The following KCNH1 variants were observed in gnomAD, a reference collection of about 807,000 sequenced individuals.
KCNH1 encodes the protein potassium voltage-gated channel subfamily H member 1.
Under a neutral mutation model 69.2 loss-of-function variants are expected in KCNH1, and 27 were observed. That is an observed-to-expected ratio of 0.39 (90% CI 0.29 to 0.54). KCNH1 has a LOEUF of 0.54. KCNH1 is among the 20% of genes least tolerant of loss of function. KCNH1 has a pLI of 0.68. For missense variants in KCNH1, 798 were observed against 1,261.6 expected (o/e 0.63, Z 5.57); for synonymous variants, 456 against 487.7 (o/e 0.93, Z 0.86).
At chr1:211,127,496 C>A (rs796681545) in intron 1 of KCNH1, among the ~76,000 whole-genome samples, 1 of 151,566 alleles carries the variant, frequency 6.6e-6, no homozygotes, top group Non-Finnish European at 1.5e-5. Flanking sequence ...CTGTACAAGT[C>A]TTTCGCATCA....
intron 6 of KCNH1, among the ~76,000 whole-genome samples, chr1:210,987,656 A>T (rs1347645975): frequency 8.5e-5 from 13 of 152,142 alleles, no homozygotes; most frequent in Admixed American, 8.5e-4. Context: ...TTTGTCTCAG[A>T]GGAGTACCCG....
At position 210,804,042 on chromosome 1, in the gene KCNH1, T is replaced by C; in HGVS notation, c.1587A>G (p.Pro529=). The change falls in exon 8 of 11, where the codon CCA becomes CCG. Residue 529 remains proline, a synonymous_variant. Coordinates refer to ENST00000271751, the MANE Select transcript of KCNH1 (RefSeq NM_172362.3). ...CCATTACTCGCTCACTCAATCCTTT[T>C]GGCACCTGGTAGAGCTTCAGGAAGT... ...VRDFLKLYQV[P]KGLSERVMDY... The C allele has an allele frequency of 1.2e-6, 2 of 1,614,232 alleles. No homozygotes were observed. The highest frequency in any genetic ancestry group is 1.7e-6 in the Non-Finnish European group (2 of 1,180,026).
intron 9 of KCNH1, among the ~76,000 whole-genome samples, chr1:210,793,064 G>A (rs1440352966): frequency 6.6e-6 from 1 of 152,148 alleles, no homozygotes; most frequent in African/African-American, 2.4e-5. Context: ...TGAATAAAAT[G>A]CACATGTGAA....
At chr1:210,761,892 C>G (rs946197479) in intron 10 of KCNH1, among the ~76,000 whole-genome samples, 15 of 152,102 alleles carry the variant, frequency 9.9e-5, no homozygotes, top group African/African-American at 3.6e-4. Flanking sequence ...CTCGACCAAT[C>G]GGACTTAATA....
At chr1:211,090,509 A>G (rs1691033714) in intron 4 of KCNH1, 53 bp downstream of exon 4, 1 of 1,515,124 alleles carries the variant, frequency 6.6e-7, no homozygotes, top group East Asian at 2.3e-5. Context: ...AACAAGAGCC[A>G]CAATAAAGAC....
chr1:210,820,553 G>A (rs2102425552), intron 7 of KCNH1, among the ~76,000 whole-genome samples: 1 of 152,244 alleles, frequency 6.6e-6, no homozygotes, highest in East Asian at 1.9e-4. Context: ...AGAATTGCTT[G>A]AACCCAGGAG....
In KCNH1 at chr1:210,680,056, C is replaced by T. The variant is rs1250239276; in HGVS notation, c.*3225G>A. On this transcript the variant is annotated 3_prime_UTR_variant, in exon 11 of 11. Transcript: ENST00000271751. Reference sequence around the variant, plus strand: ...CGTCCTTTGGCTATCTTGTCATGTCCAGTGGAGGAGCCCTTTGTAAGTATA... The same window carrying T: ...CGTCCTTTGGCTATCTTGTCATGTCTAGTGGAGGAGCCCTTTGTAAGTATA... 1.3e-5 allele frequency: 2 copies of T among 152,092 alleles called. No homozygotes were observed. Among genetic ancestry groups the T allele is most frequent in the East Asian group, 3.9e-4 (2 of 5,188 alleles). The allele number at this position is 152,092 out of a possible 1,614,324, so 9.4% of individuals were successfully genotyped here.
At chr1:211,075,971 G>C (rs1690725159) in intron 5 of KCNH1, among the ~76,000 whole-genome samples, 1 of 152,222 alleles carries the variant, frequency 6.6e-6, no homozygotes, top group Admixed American at 6.5e-5. Context: ...ATGGAGCCTT[G>C]CTTACTGCGA....
At chr1:210,692,656 T>C (rs935055484) in intron 10 of KCNH1, among the ~76,000 whole-genome samples, 1 of 152,098 alleles carries the variant, frequency 6.6e-6, no homozygotes, top group Non-Finnish European at 1.5e-5. Context: ...TGAATGTCAT[T>C]ACAAGAGACA....
intron 7 of KCNH1, among the ~76,000 whole-genome samples, chr1:210,845,987 A>G (rs547505996): frequency 1.1e-3 from 165 of 152,320 alleles, no homozygotes; most frequent in African/African-American, 3.9e-3. Flanking sequence ...CAATTGCTTC[A>G]AAGAGAATAA....
At chr1:210,837,222 C>G (rs1685302199) in intron 7 of KCNH1, among the ~76,000 whole-genome samples, 1 of 152,170 alleles carries the variant, frequency 6.6e-6, no homozygotes, top group African/African-American at 2.4e-5. Flanking sequence ...CCTGGAGACA[C>G]AGCTCCTCTA....
At chr1:210,703,474 T>C (rs1028636929) in intron 10 of KCNH1, among the ~76,000 whole-genome samples, 1 of 152,200 alleles carries the variant, frequency 6.6e-6, no homozygotes. Flanking sequence ...ATCTATAAAA[T>C]AGAGCTAGTA....
chr1:211,066,164 T>G (rs933810313), intron 5 of KCNH1, among the ~76,000 whole-genome samples: 3 of 152,200 alleles, frequency 2.0e-5, no homozygotes, highest in African/African-American at 7.2e-5. Flanking sequence ...TATTTCATGT[T>G]TTACTTTATA....
At chr1:210,886,594 T>C (rs1013239249) in intron 7 of KCNH1, among the ~76,000 whole-genome samples, 12 of 151,892 alleles carry the variant, frequency 7.9e-5, no homozygotes, top group Non-Finnish European at 1.5e-4. Context: ...AATAACAAAC[T>C]TCTCCGAGCT....
rs140263232 is a variant in KCNH1 at position 210,843,357 on chromosome 1, T to C, written c.1463-39191A>G. On this transcript the variant is annotated intron_variant, in intron 7 of 10. Coordinates refer to ENST00000271751, the MANE Select transcript of KCNH1 (RefSeq NM_172362.3). ...ATAGCCCCCCTGGAATATCCTATTG[T>C]ATAATTTATTAAGAAACTAACCACT... is the stretch of plus-strand genomic sequence containing the variant. Among the ~76,000 whole-genome samples, 248 of 152,276 alleles carry C rather than the reference T, an allele frequency of 1.6e-3. 1 individual carries two copies. The highest frequency in any genetic ancestry group is 5.7e-3 in the African/African-American group (236 of 41,568).
intron 9 of KCNH1, among the ~76,000 whole-genome samples, chr1:210,786,700 T>C (rs1684111210): frequency 6.6e-6 from 1 of 152,142 alleles, no homozygotes; most frequent in Non-Finnish European, 1.5e-5. Context: ...CTACTTTCAC[T>C]CAGCTCAAAC....
At chr1:211,092,090 T>C (rs1691062728) in intron 3 of KCNH1, among the ~76,000 whole-genome samples, 1 of 152,238 alleles carries the variant, frequency 6.6e-6, no homozygotes. Context: ...AAAGTAGCTA[T>C]TTCCCCACGC....
chr1:210,741,541 A>AT (rs1366421978), intron 10 of KCNH1, among the ~76,000 whole-genome samples: 1 of 152,172 alleles, frequency 6.6e-6, no homozygotes, highest in Non-Finnish European at 1.5e-5. Context: ...TACTCAGGCC[A>AT]TTTTCCTTCT....
chr1:211,092,851 TTTCAGCATTTTTTCA>T (rs983281012), intron 3 of KCNH1, among the ~76,000 whole-genome samples: 10 of 151,208 alleles, frequency 6.6e-5, no homozygotes, highest in Non-Finnish European at 1.3e-4. Context: ...TCTAAAAAAA[TTTCAGCATTTTTTCA>T]GATGATAAAC....
Sources: gnomAD v4.1 joint callset for allele counts (sites outside exome capture counted in the v4.1 genomes callset) on GRCh38, gnomAD v4.1.1 for gene constraint, MANE v1.5 for transcripts, NCBI Gene and HGNC (gene_info 2026-07-23, HGNC 2026-07-21) for gene names.